NEBL: variants seen among roughly 807,000 people sequenced by gnomAD.
NEBL encodes the protein LIM and SH3 protein 2.
In NEBL, 122 loss-of-function variants were observed where a neutral mutation model predicts 140.2. The observed-to-expected ratio is 0.87, with a 90% CI of 0.75 to 1.01. The LOEUF (loss-of-function observed/expected upper bound fraction) is 1.01, where lower values mean the gene tolerates loss of function less well. Ranked by LOEUF, NEBL falls within the 50% of genes least tolerant of loss-of-function variation. The pLI, the probability that NEBL is intolerant of heterozygous loss-of-function variation, is 0.00. For synonymous variants in NEBL, 436 were observed against 398.9 expected, an observed-to-expected ratio of 1.09 and a Z score of -1.11; for missense variants, 1,365 against 1,231.3, an observed-to-expected ratio of 1.11 and a Z score of -1.62.
chr10:21,044,413 A>T (rs1006207549), intron 2 of NEBL, among the ~76,000 whole-genome samples: 2 of 148,042 alleles, frequency 1.4e-5, no homozygotes, highest in African/African-American at 2.5e-5. Context: ...AAAAAAAAAA[A>T]AAAAAAAAAA....
intron 4 of NEBL, among the ~76,000 whole-genome samples, chr10:20,882,342 A>G (rs750707847): frequency 1.5e-4 from 20 of 134,458 alleles, no homozygotes; most frequent in Non-Finnish European, 3.3e-4. Flanking sequence ...AGAGAGGAAA[A>G]GGAAAAGGGG....
chr10:20,940,230 A>C (rs1054962521), intron 4 of NEBL, among the ~76,000 whole-genome samples: 1,672 of 152,180 alleles, frequency 0.011, 23 homozygotes, highest in African/African-American at 0.03. Flanking sequence ...ATTATAACAA[A>C]CTATCTCTCA....
At chr10:20,802,302 C>G (rs1837197903) in intron 26 of NEBL, among the ~76,000 whole-genome samples, 1 of 152,140 alleles carries the variant, frequency 6.6e-6, no homozygotes, top group Non-Finnish European at 1.5e-5. Flanking sequence ...CATCAGGATC[C>G]TTTTCACCAA....
Position 21,008,952 on chromosome 10 carries a change from A to T in NEBL, c.249+11165T>A, listed in dbSNP as rs1258928938. On this transcript the variant is annotated intron_variant, in intron 3 of 6. Transcript: ENST00000417816. ...TATAATATTTATTATATATGTATAT[A>T]AAAAACCCATATACATACACACTCC... Among the ~76,000 whole-genome samples the T allele has an allele frequency of 3.3e-5, 5 of 151,510 alleles. No individual in the cohort carries two copies. In the East Asian group the frequency reaches 9.6e-4, roughly 29 times the overall value.
chr10:21,025,007 C>A lies in NEBL; in HGVS notation c.165-4806G>T, dbSNP rs536033057. Among the ~76,000 whole-genome samples, 5 of 152,254 alleles carry A rather than the reference C, an allele frequency of 3.3e-5. No individual in the cohort carries two copies. The East Asian group carries it at 9.6e-4, about 29-fold the overall frequency. ...GTGAAAGGTCTTCCTAAAAAATTGTCTTGAATAGAAATCTTAAGGAAAACA... is the reference window on the plus strand; with the variant it reads ...GTGAAAGGTCTTCCTAAAAAATTGTATTGAATAGAAATCTTAAGGAAAACA... On this transcript the variant is annotated intron_variant, in intron 2 of 6. Coordinates refer to the NEBL transcript ENST00000417816.
chr10:21,169,482 G>C (rs1294823243), intron 2 of NEBL, among the ~76,000 whole-genome samples: 6 of 152,104 alleles, frequency 3.9e-5, no homozygotes, highest in Admixed American at 3.9e-4. Context: ...GTGAATTAGA[G>C]CCAATGAGTC....
Position 20,783,055 on chromosome 10 carries a change from C to T in NEBL, c.*2692G>A, listed in dbSNP as rs937216841. ...CTCTGTGCTTGGACATTTACACAGT[C>T]ATCTTTAACTCAATTTTTAAAATCT... On this transcript the variant is annotated 3_prime_UTR_variant, in exon 28 of 28. Coordinates refer to ENST00000377122, the MANE Select transcript of NEBL (RefSeq NM_006393.3). The T allele has an allele frequency of 1.3e-5, 2 of 152,554 alleles. No individual in the cohort carries two copies. Among genetic ancestry groups the T allele is most frequent in the African/African-American group, 2.4e-5 (1 of 41,436 alleles). 9.5% of individuals were successfully genotyped at this position (152,554 alleles called of 1,614,324 possible).
intron 4 of NEBL, among the ~76,000 whole-genome samples, chr10:20,943,461 G>T (rs1589051392): frequency 6.6e-6 from 1 of 152,244 alleles, no homozygotes; most frequent in South Asian, 2.1e-4. Flanking sequence ...GAGTGGGGAG[G>T]GATAGCATTA....
chr10:20,867,167 T>C (rs1023615329), intron 7 of NEBL, among the ~76,000 whole-genome samples: 15 of 152,316 alleles, frequency 9.8e-5, no homozygotes, highest in African/African-American at 3.6e-4. Context: ...TTCAAGTTTT[T>C]CATTTCATTT....
intron 2 of NEBL, among the ~76,000 whole-genome samples, chr10:21,048,953 T>C (rs1834643216): frequency 6.6e-6 from 1 of 152,128 alleles, no homozygotes; most frequent in Non-Finnish European, 1.5e-5. Flanking sequence ...GAGGTTGCAG[T>C]GAGCCAAGGT....
intron 4 of NEBL, among the ~76,000 whole-genome samples, chr10:20,945,938 T>G (rs914929172): frequency 4.6e-5 from 7 of 152,230 alleles, no homozygotes; most frequent in African/African-American, 1.7e-4. Context: ...AAATGCCAGT[T>G]TGCTCATCAG....
chr10:21,289,499 T>C (rs1452063048), intron 1 of NEBL, among the ~76,000 whole-genome samples: 1 of 152,210 alleles, frequency 6.6e-6, no homozygotes, highest in African/African-American at 2.4e-5. Context: ...TAACAGCAAA[T>C]ATATGAAACT....
In NEBL at chr10:21,025,534, C is replaced by A. The variant is rs567010378; in HGVS notation, c.165-5333G>T. Among the ~76,000 whole-genome samples, 3 of 152,242 alleles carry A rather than the reference C, an allele frequency of 2.0e-5. No homozygotes were observed. The East Asian group carries it at 5.8e-4, about 29-fold the overall frequency. On this transcript the variant is annotated intron_variant, in intron 2 of 6. Coordinates refer to the NEBL transcript ENST00000417816. ...TTAAAAATATAGGAAAAGTTATATGCAAATCACTAGACCTCGTCAGAGCTC... is the reference window on the plus strand; with the variant it reads ...TTAAAAATATAGGAAAAGTTATATGAAAATCACTAGACCTCGTCAGAGCTC...
intron 5 of NEBL, among the ~76,000 whole-genome samples, chr10:20,873,211 A>C (rs905724597): frequency 1.3e-5 from 2 of 152,202 alleles, no homozygotes; most frequent in Non-Finnish European, 2.9e-5. Context: ...GTGTGTATAC[A>C]TATTTTTTTC....
Position 21,084,844 on chromosome 10 carries a change from C to T in NEBL, c.165-64643G>A, listed in dbSNP as rs138011657. Among the ~76,000 whole-genome samples the T allele has an allele frequency of 3.0e-3, 453 of 152,290 alleles. 4 individuals carry two copies. Among genetic ancestry groups the T allele is most frequent in the African/African-American group, 0.01 (424 of 41,560 alleles). On this transcript the variant is annotated intron_variant, in intron 2 of 6. Transcript: ENST00000417816. ...AGAGAGAACCCGGTTGCTGCCAAGA[C>T]TCAACATGACTTTACCACCTGGTCT...
intron 4 of NEBL, among the ~76,000 whole-genome samples, chr10:20,923,310 T>G (rs1833686202): frequency 6.6e-6 from 1 of 151,992 alleles, no homozygotes; most frequent in Non-Finnish European, 1.5e-5. Context: ...TCAAGCAATC[T>G]GCCTGCCTCA....
intron 1 of NEBL, among the ~76,000 whole-genome samples, chr10:21,259,270 T>C (rs915123784): frequency 6.6e-6 from 1 of 151,972 alleles, no homozygotes; most frequent in African/African-American, 2.4e-5. Context: ...GTATTTGTAG[T>C]ACAGACGGAG....
At chr10:21,073,481 G>A (rs544290679) in intron 2 of NEBL, among the ~76,000 whole-genome samples, 1 of 151,820 alleles carries the variant, frequency 6.6e-6, no homozygotes, top group Non-Finnish European at 1.5e-5. Flanking sequence ...GGCAGGCTTG[G>A]TGGCACGCAC....
intron 26 of NEBL, among the ~76,000 whole-genome samples, chr10:20,800,722 A>G (rs1837037920): frequency 6.6e-6 from 1 of 152,186 alleles, no homozygotes; most frequent in African/African-American, 2.4e-5. Context: ...TTTGAAAAAA[A>G]AAATCTACCA....
Sources: gnomAD v4.1 joint callset for allele counts (sites outside exome capture counted in the v4.1 genomes callset) on GRCh38, gnomAD v4.1.1 for gene constraint, MANE v1.5 for transcripts, NCBI Gene and HGNC (gene_info 2026-07-23, HGNC 2026-07-21) for gene names.